Variants in LMBR1 observed in about 807,000 individuals in gnomAD.
The protein encoded by LMBR1 is limb development membrane protein 1, also known as limb region 1 protein homolog.
In LMBR1, 52 loss-of-function variants were observed where a neutral mutation model predicts 73.9. That is an observed-to-expected ratio of 0.70 (90% CI 0.56 to 0.89). The LOEUF (loss-of-function observed/expected upper bound fraction) is 0.89. Among genes scored for constraint, LMBR1 ranks in the 40% least tolerant of loss-of-function variants. The pLI is 0.00. For missense variants in LMBR1, 539 were observed against 579.8 expected (o/e 0.93, Z 0.72); for synonymous variants, 215 against 209.4 (o/e 1.03, Z -0.23).
intron 5 of LMBR1, among the ~76,000 whole-genome samples, chr7:156,772,143 G>A (rs896505940): frequency 2.6e-5 from 4 of 151,954 alleles, no homozygotes; most frequent in African/African-American, 4.8e-5. Context: ...GCATGGTAGC[G>A]CAAGCCTGTA....
chr7:156,738,607 T>C (rs1818335369), intron 9 of LMBR1, among the ~76,000 whole-genome samples: 1 of 152,306 alleles, frequency 6.6e-6, no homozygotes, highest in African/African-American at 2.4e-5. Flanking sequence ...GAGAACTTTG[T>C]CTTGCATTTT....
Position 156,678,414 on chromosome 7 carries a change from C to T in LMBR1, c.*5664G>A, listed in dbSNP as rs1804428416. 1 of 152,174 alleles carries T rather than the reference C, an allele frequency of 6.6e-6. No individual in the cohort carries two copies. The highest frequency in any genetic ancestry group is 1.5e-5 in the Non-Finnish European group (1 of 68,044). 9.4% of individuals were successfully genotyped at this position (152,174 alleles called of 1,614,324 possible). On this transcript the variant is annotated 3_prime_UTR_variant, in exon 17 of 17. Transcript: ENST00000353442. ...GAAAAGTGGCCATGGAATGGCGCGC[C>T]CATCGAAAGCTTGCGAGACCAAGTT...
intron 9 of LMBR1, among the ~76,000 whole-genome samples, chr7:156,739,974 T>C (rs1485669362): frequency 1.3e-5 from 2 of 152,282 alleles, no homozygotes; most frequent in Non-Finnish European, 2.9e-5. Context: ...AATGGCTGTT[T>C]TGAGGAAACT....
At chr7:156,869,228 C>A (rs935597760) in intron 1 of LMBR1, among the ~76,000 whole-genome samples, 2 of 151,970 alleles carry the variant, frequency 1.3e-5, no homozygotes, top group African/African-American at 4.8e-5. Context: ...AGGAAATTAA[C>A]CTGTACTATT....
Position 156,689,024 on chromosome 7 carries a change from A to C in LMBR1, c.1226-833T>G, listed in dbSNP as rs113393638. ...GCAGGAAATACAGTAGGATGATCTA[A>C]TATATGCATTGAAGTTACTTAAATT... On this transcript the variant is annotated intron_variant, in intron 15 of 16. Coordinates refer to ENST00000353442, the MANE Select transcript of LMBR1 (RefSeq NM_022458.4). Among the ~76,000 whole-genome samples, 919 of 152,332 alleles carry C rather than the reference A, an allele frequency of 6.0e-3. 21 individuals carry two copies. The South Asian group carries it at 0.08, about 13-fold the overall frequency.
At chr7:156,788,234 A>G (rs1448173724) in intron 5 of LMBR1, among the ~76,000 whole-genome samples, 1 of 152,214 alleles carries the variant, frequency 6.6e-6, no homozygotes, top group Non-Finnish European at 1.5e-5. Flanking sequence ...CAGGAGTTGG[A>G]GACCAGCCTG....
At chr7:156,691,956 G>A (rs1807282168) in intron 15 of LMBR1, among the ~76,000 whole-genome samples, 1 of 152,124 alleles carries the variant, frequency 6.6e-6, no homozygotes, top group African/African-American at 2.4e-5. Flanking sequence ...TTTAAAACAG[G>A]AATAATTTAA....
intron 4 of LMBR1, among the ~76,000 whole-genome samples, chr7:156,801,917 A>G (rs947689427): frequency 6.6e-6 from 1 of 152,232 alleles, no homozygotes; most frequent in Non-Finnish European, 1.5e-5. Flanking sequence ...GTCCCAGAGC[A>G]AGAAAAACTT....
intron 4 of LMBR1, among the ~76,000 whole-genome samples, chr7:156,797,672 T>C (rs1428943683): frequency 6.6e-6 from 1 of 152,216 alleles, no homozygotes; most frequent in Non-Finnish European, 1.5e-5. Context: ...ACTGTCCTAA[T>C]GTCCTTTGGA....
chr7:156,875,093 C>A (rs796700359), intron 1 of LMBR1, among the ~76,000 whole-genome samples: 3 of 152,088 alleles, frequency 2.0e-5, no homozygotes, highest in African/African-American at 7.2e-5. Context: ...AAACAGACAG[C>A]ATAAATAAAA....
At chr7:156,671,394 A>C (rs1802475912) in intron 4 of LMBR1, among the ~76,000 whole-genome samples, 2 of 152,202 alleles carry the variant, frequency 1.3e-5, no homozygotes, top group Non-Finnish European at 2.9e-5. Flanking sequence ...TTACAGAAGA[A>C]GGCTGATGTG....
At chr7:156,800,482 C>CAAAAAAAAAAAAAAAAAAA (rs1245017996) in intron 4 of LMBR1, among the ~76,000 whole-genome samples, 45 of 81,016 alleles carry the variant, frequency 5.6e-4, no homozygotes, top group Non-Finnish European at 8.3e-4. Flanking sequence ...ACTTGCTACT[C>CAAAAAAAAAAAAAAAAAAA]AAAAAAAAAA....
At chr7:156,703,922 T>C (rs761008781) in intron 15 of LMBR1, among the ~76,000 whole-genome samples, 34 of 152,146 alleles carry the variant, frequency 2.2e-4, no homozygotes, top group Non-Finnish European at 4.4e-4. Flanking sequence ...GGCTCTAACC[T>C]GTAAACATCG....
intron 15 of LMBR1, among the ~76,000 whole-genome samples, chr7:156,710,379 T>C (rs1811834783): frequency 6.6e-6 from 1 of 151,990 alleles, no homozygotes; most frequent in Admixed American, 6.6e-5. Flanking sequence ...AAATACCAAA[T>C]GCACTGGAAA....
chr7:156,677,586 A>G (rs936974673), downstream of LMBR1, among the ~76,000 whole-genome samples: 1 of 152,192 alleles, frequency 6.6e-6, no homozygotes, highest in Non-Finnish European at 1.5e-5. Context: ...GTGTAGGCCT[A>G]AGAGGAAGAG....
chr7:156,704,536 G>A (rs1810491568), intron 15 of LMBR1, among the ~76,000 whole-genome samples: 1 of 149,778 alleles, frequency 6.7e-6, no homozygotes, highest in Non-Finnish European at 1.5e-5. Flanking sequence ...CAAAAGGCCT[G>A]AAAAAGCCAA....
At chr7:156,736,617 T>C (rs974871623) in intron 9 of LMBR1, 4 of 456,944 alleles carry the variant, frequency 8.8e-6, no homozygotes, top group Non-Finnish European at 1.8e-5. Flanking sequence ...GCATTCCCAC[T>C]GTGGCAGGTG....
intron 1 of LMBR1, among the ~76,000 whole-genome samples, chr7:156,859,786 A>G (rs1218466858): frequency 1.3e-5 from 2 of 152,212 alleles, no homozygotes; most frequent in Non-Finnish European, 2.9e-5. Context: ...TTTTCTGGAT[A>G]TCAAGAAAAT....
intron 1 of LMBR1, among the ~76,000 whole-genome samples, chr7:156,861,113 C>T (rs1042621411): frequency 3.3e-5 from 5 of 152,222 alleles, no homozygotes; most frequent in African/African-American, 4.8e-5. Context: ...ACTGCCCTAG[C>T]GGAGGTTCTC....
Sources: gnomAD v4.1 joint callset for allele counts (sites outside exome capture counted in the v4.1 genomes callset) on GRCh38, gnomAD v4.1.1 for gene constraint, MANE v1.5 for transcripts, NCBI Gene and HGNC (gene_info 2026-07-23, HGNC 2026-07-21) for gene names.